Variants in TCTN2 observed in about 807,000 individuals in gnomAD.
The protein encoded by TCTN2 is tectonic family member 2, also known as tectonic-2.
Under a neutral mutation model 83.4 loss-of-function variants are expected in TCTN2, and 66 were observed. The observed-to-expected ratio is 0.79, with a 90% CI of 0.65 to 0.97. TCTN2 has a LOEUF of 0.97. TCTN2 is among the 50% of genes least tolerant of loss of function. TCTN2 has a pLI of 0.00. For synonymous variants in TCTN2, 301 were observed against 326.7 expected, an observed-to-expected ratio of 0.92 and a Z score of 0.85; for missense variants, 794 against 858.1, an observed-to-expected ratio of 0.93 and a Z score of 0.93.
At chr12:123,673,840 T>C in intron 4 of TCTN2, 30 bp downstream of exon 4, 1 of 1,605,032 alleles carries the variant, frequency 6.2e-7, no homozygotes, top group Non-Finnish European at 8.5e-7. Flanking sequence ...GTCAAAACTT[T>C]CATGTTGTTC....
intron 15 of TCTN2, among the ~76,000 whole-genome samples, chr12:123,705,778 C>T (rs1226841678): frequency 1.1e-4 from 16 of 146,502 alleles, no homozygotes; most frequent in Admixed American, 2.1e-4. Context: ...TTTTTTGAGA[C>T]GGAGTTTTGC....
At chr12:123,705,746 CCTTTCTTT>C (rs200167288) in intron 15 of TCTN2, among the ~76,000 whole-genome samples, 1 of 146,500 alleles carries the variant, frequency 6.8e-6, no homozygotes, top group Non-Finnish European at 1.5e-5. Flanking sequence ...CCTCCTCTTT[CCTTTCTTT>C]CTTTCTTTTT....
rs369932054 is a variant in TCTN2 at position 123,703,448 on chromosome 12, T to C, written c.1613-1084T>C. On this transcript the variant is annotated intron_variant, in intron 14 of 17. Coordinates refer to ENST00000303372, the MANE Select transcript of TCTN2 (RefSeq NM_024809.5). Reference sequence around the variant, plus strand: ...CCACCCACCTCAGCCTCCCAAAGTGTTGGGATTACAGGCGTGAGCCACCAC... The same window carrying C: ...CCACCCACCTCAGCCTCCCAAAGTGCTGGGATTACAGGCGTGAGCCACCAC... Among the ~76,000 whole-genome samples the C allele has an allele frequency of 1.3e-4, 20 of 151,424 alleles. No individual in the cohort carries two copies. In the East Asian group the frequency reaches 3.5e-3, roughly 27 times the overall value.
At chr12:123,684,916 G>A (rs972829780) in intron 5 of TCTN2, among the ~76,000 whole-genome samples, 1 of 151,794 alleles carries the variant, frequency 6.6e-6, no homozygotes, top group African/African-American at 2.4e-5. Context: ...GGGGTATGTT[G>A]GTGGGTGCCT....
chr12:123,706,695 C>T (rs752895956), intron 15 of TCTN2, 31 bp from the exon 16 acceptor site: 2 of 1,613,748 alleles, frequency 1.2e-6, no homozygotes, highest in South Asian at 2.2e-5. Context: ...TGAATGGTGG[C>T]TATGCTGACC....
In TCTN2 at chr12:123,679,272, C is replaced by T. The variant is rs774520912; in HGVS notation, c.547C>T (p.Arg183Cys). The T allele has an allele frequency of 8.1e-6, 13 of 1,613,954 alleles. No homozygotes were observed. Among genetic ancestry groups the T allele is most frequent in the East Asian group, 4.5e-5 (2 of 44,880 alleles). Residue 183 changes from arginine to cysteine, a missense_variant, in exon 5 of 18, where the codon CGC (arginine) becomes TGC (cysteine). By Grantham distance (180) the Arg-to-Cys change is radical. Transcript: ENST00000303372. ...TTTAACAGCTGGAGCCTGTGATGTT[C>T]GCTGCTGCTGTGACCAGGTATGTTC... ...CNLTAGACDVRCCCDQECSSN... is the reference protein window; with the variant it reads ...CNLTAGACDVCCCCDQECSSN...
chr12:123,675,396 C>G (rs1955808685), intron 4 of TCTN2, among the ~76,000 whole-genome samples: 1 of 152,146 alleles, frequency 6.6e-6, no homozygotes, highest in Admixed American at 6.5e-5. Context: ...ACATCTCTTG[C>G]CTTTATGGCC....
chr12:123,688,385 T>C (rs1593849560), intron 7 of TCTN2, among the ~76,000 whole-genome samples: 5 of 151,994 alleles, frequency 3.3e-5, no homozygotes, highest in Admixed American at 3.3e-4. Context: ...CCAGCCAATT[T>C]TTTGTATTTT....
intron 9 of TCTN2, among the ~76,000 whole-genome samples, chr12:123,693,405 A>C (rs1371501278): frequency 1.0e-5 from 1 of 97,300 alleles, no homozygotes; most frequent in African/African-American, 4.1e-5. Context: ...TTTGATAATT[A>C]AACTTTCCAA....
chr12:123,696,876 A>C, intron 12 of TCTN2: 5 of 568,874 alleles, frequency 8.8e-6, no homozygotes, highest in South Asian at 6.0e-5. Context: ...AGGCAGTGTC[A>C]CTTCTGAAGA....
At chr12:123,689,297 C>T (rs1313212172) in intron 7 of TCTN2, among the ~76,000 whole-genome samples, 17 of 152,128 alleles carry the variant, frequency 1.1e-4, no homozygotes, top group Admixed American at 1.1e-3. Flanking sequence ...CTGAAGTGAC[C>T]TGCCCACTTT....
chr12:123,685,621 G>A (rs976729666), intron 5 of TCTN2, among the ~76,000 whole-genome samples: 1 of 150,926 alleles, frequency 6.6e-6, no homozygotes, highest in Non-Finnish European at 1.5e-5. Flanking sequence ...GTTTCACCAT[G>A]TTGGCCAGGC....
rs1956208413 is a variant in TCTN2 at position 123,704,600 on chromosome 12, C to T, written c.1681C>T (p.Pro561Ser). Residue 561 changes from proline (P) to serine (S), a missense_variant, in exon 15 of 18, where the codon CCT (proline) becomes TCT (serine). Coordinates refer to ENST00000303372, the MANE Select transcript of TCTN2 (RefSeq NM_024809.5). ...SSVNGMCLDI[P>S]AHLSIRILIS... The stretch of plus-strand genomic sequence containing the variant: ...TGTGAACGGCATGTGCCTGGATATT[C>T]CTGCTCACCTGAGCATCCGCATCCT... The T allele has an allele frequency of 3.1e-6, 5 of 1,613,130 alleles. No homozygotes were observed. Among genetic ancestry groups the T allele is most frequent in the Non-Finnish European group, 4.2e-6 (5 of 1,179,902 alleles).
chr12:123,701,521 G>A (rs890530190), intron 14 of TCTN2, among the ~76,000 whole-genome samples: 2 of 151,948 alleles, frequency 1.3e-5, no homozygotes, highest in African/African-American at 4.8e-5. Context: ...GGTGGATCAC[G>A]AGGTCAGGAG....
chr12:123,689,818 A>G (rs7307343), intron 7 of TCTN2, among the ~76,000 whole-genome samples: 54,583 of 152,048 alleles, frequency 0.36, 10,286 homozygotes, highest in African/African-American at 0.41. Flanking sequence ...AAGTGAATGA[A>G]TGACAGGGTC....
Position 123,696,431 on chromosome 12 carries a change from G to T in TCTN2, c.1329G>T (p.Lys443Asn). 6.2e-7 allele frequency: 1 copy of T among 1,614,150 alleles called. No individual in the cohort carries two copies. Residue 443 changes from lysine (K) to asparagine (N), a missense_variant, in exon 12 of 18, where the codon AAG becomes AAT. Physicochemically the swap from Lys to Asn is moderately conservative, Grantham distance 94. Transcript: ENST00000303372. ...LSGNPGYQLG[K>N]PVRALNINRM... ...TTTGTCTAGGTTACCAACTTGGCAA[G>T]CCTGTCCGAGCTCTAAATATCAACA...
At position 123,682,725 on chromosome 12, in the gene TCTN2, G is replaced by A. The variant is rs933222896; in HGVS notation, c.564+3436G>A. ...TCGAACTCCTGACCACAAGTGATCCGCCCGCCTCAGCCTCCCAAAATGCTG... is the reference window on the plus strand; with the variant it reads ...TCGAACTCCTGACCACAAGTGATCCACCCGCCTCAGCCTCCCAAAATGCTG... On this transcript the variant is annotated intron_variant, in intron 5 of 17. Coordinates refer to ENST00000303372, the MANE Select transcript of TCTN2 (RefSeq NM_024809.5). Among the ~76,000 whole-genome samples, 4 of 151,198 alleles carry A rather than the reference G, an allele frequency of 2.6e-5. No homozygotes were observed. The South Asian group carries it at 8.4e-4, about 32-fold the overall frequency.
chr12:123,674,424 C>T (rs6488890), intron 4 of TCTN2, among the ~76,000 whole-genome samples: 54,297 of 151,944 alleles, frequency 0.36, 10,182 homozygotes, highest in African/African-American at 0.41. Context: ...GCTCACGCTA[C>T]CACGCCCAGC....
rs561655374 is a variant in TCTN2, at chr12:123,704,683, G to C, written c.1764G>C (p.Glu588Asp). ...GITQQEILGV[E>D]TRFSSVNWQY... ...CTCAGCAGGAGATACTCGGTGTAGA[G>C]ACAAGGTATGATCACATCTTGGATC... The change falls in exon 15 of 18, where the codon GAG (glutamate) becomes GAC (aspartate). Residue 588 changes from glutamate to aspartate, a missense_variant. Coordinates refer to ENST00000303372, the MANE Select transcript of TCTN2 (RefSeq NM_024809.5). 22 of 1,613,340 alleles carry C rather than the reference G, an allele frequency of 1.4e-5. No individual in the cohort carries two copies. In the East Asian group the frequency reaches 4.9e-4, roughly 36 times the overall value.
Sources: gnomAD v4.1 joint callset for allele counts (sites outside exome capture counted in the v4.1 genomes callset) on GRCh38, gnomAD v4.1.1 for gene constraint, MANE v1.5 for transcripts, NCBI Gene and HGNC (gene_info 2026-07-23, HGNC 2026-07-21) for gene names.